Variants in RNF217 observed in about 807,000 individuals in gnomAD.
RNF217 encodes E3 ubiquitin-protein ligase RNF217.
A neutral mutation model predicts 57.8 loss-of-function variants in RNF217; 31 were observed. The observed-to-expected ratio is 0.54, with a 90% CI of 0.40 to 0.72. RNF217 has a LOEUF of 0.72. Among genes scored for constraint, RNF217 ranks in the 30% least tolerant of loss-of-function variants. RNF217 has a pLI of 0.00. For synonymous variants in RNF217, 313 were observed against 294.0 expected, an observed-to-expected ratio of 1.06 and a Z score of -0.66; for missense variants, 696 against 708.3, an observed-to-expected ratio of 0.98 and a Z score of 0.20.
intron 2 of RNF217, among the ~76,000 whole-genome samples, chr6:125,048,545 TCATTG>T (rs1787183887): frequency 6.6e-6 from 1 of 152,192 alleles, no homozygotes; most frequent in East Asian, 1.9e-4. Context: ...TTATTCTGAG[TCATTG>T]ATTCACAGTA....
At chr6:125,015,628 A>G (rs1562468999) in intron 1 of RNF217, among the ~76,000 whole-genome samples, 1 of 151,942 alleles carries the variant, frequency 6.6e-6, no homozygotes, top group Non-Finnish European at 1.5e-5. Flanking sequence ...ATATATATAC[A>G]TTATAATTGT....
chr6:124,963,976 T>C (rs1301895006), intron 1 of RNF217, among the ~76,000 whole-genome samples: 1 of 152,228 alleles, frequency 6.6e-6, no homozygotes, highest in Non-Finnish European at 1.5e-5. Context: ...GAAGTACTTT[T>C]CTTTCACTGA....
chr6:125,042,158 G>A (rs555020655), intron 1 of RNF217, among the ~76,000 whole-genome samples: 6 of 152,226 alleles, frequency 3.9e-5, no homozygotes, highest in African/African-American at 1.4e-4. Flanking sequence ...CATAGGTGAT[G>A]AGTAACACTA....
At chr6:125,007,389 G>T (rs938108503) in intron 1 of RNF217, among the ~76,000 whole-genome samples, 1 of 151,886 alleles carries the variant, frequency 6.6e-6, no homozygotes, top group Non-Finnish European at 1.5e-5. Context: ...GGGATTATAG[G>T]CATGCGCCAC....
intron 1 of RNF217, among the ~76,000 whole-genome samples, chr6:125,028,966 A>G (rs1434205646): frequency 6.6e-6 from 1 of 152,168 alleles, no homozygotes; most frequent in African/African-American, 2.4e-5. Context: ...CATGTGAGAA[A>G]ATATTTACCT....
chr6:125,050,069 T>A (rs553189126), intron 2 of RNF217, among the ~76,000 whole-genome samples: 16 of 152,034 alleles, frequency 1.1e-4, no homozygotes, highest in African/African-American at 2.9e-4. Flanking sequence ...GTGATAGCAG[T>A]TCTTTATGGA....
intron 3 of RNF217, among the ~76,000 whole-genome samples, chr6:125,068,049 G>A (rs929126335): frequency 3.3e-5 from 5 of 152,126 alleles, no homozygotes; most frequent in African/African-American, 4.8e-5. Context: ...GCAGATGGGG[G>A]TCATGGATAA....
chr6:124,967,907 T>A (rs1282812528), intron 1 of RNF217, among the ~76,000 whole-genome samples: 1 of 152,080 alleles, frequency 6.6e-6, no homozygotes, highest in Non-Finnish European at 1.5e-5. Context: ...GCCTCCTGAG[T>A]AGCTGGGATT....
chr6:125,055,147 G>T (rs949744426), intron 2 of RNF217, among the ~76,000 whole-genome samples: 1 of 152,282 alleles, frequency 6.6e-6, no homozygotes, highest in East Asian at 1.9e-4. Flanking sequence ...TACCAAAGTT[G>T]TTGGAGTTGG....
intron 1 of RNF217, among the ~76,000 whole-genome samples, chr6:124,969,769 AT>A (rs1208364272): frequency 6.6e-6 from 1 of 152,198 alleles, no homozygotes; most frequent in East Asian, 1.9e-4. Context: ...AGATAAGTAA[AT>A]TATTTAGCTT....
intron 3 of RNF217, among the ~76,000 whole-genome samples, chr6:125,067,970 A>G (rs909744646): frequency 2.6e-5 from 4 of 152,196 alleles, no homozygotes; most frequent in African/African-American, 7.2e-5. Context: ...GTAAGGAGGT[A>G]CTGAGCGACT....
chr6:125,015,668 A>G (rs936366750), intron 1 of RNF217, among the ~76,000 whole-genome samples: 5 of 151,976 alleles, frequency 3.3e-5, no homozygotes, highest in Non-Finnish European at 7.4e-5. Context: ...CATCCAGTAT[A>G]TTTTCTCTAT....
intron 3 of RNF217, among the ~76,000 whole-genome samples, chr6:125,068,892 G>A (rs1788035217): frequency 6.6e-6 from 1 of 152,044 alleles, no homozygotes; most frequent in Non-Finnish European, 1.5e-5. Context: ...AGGGCCAGGT[G>A]GAATGAAAGG....
chr6:125,054,769 G>A lies in RNF217; in HGVS notation c.1117-3173G>A, dbSNP rs978835839. Among the ~76,000 whole-genome samples, 21 of 152,058 alleles carry A rather than the reference G, an allele frequency of 1.4e-4. 1 individual carries two copies. The highest frequency in any genetic ancestry group is 2.1e-4 in the South Asian group (1 of 4,828). On this transcript the variant is annotated intron_variant, in intron 2 of 5. Coordinates refer to ENST00000521654, the MANE Select transcript of RNF217 (RefSeq NM_001286398.3). The stretch of plus-strand genomic sequence containing the variant: ...TTTAGGATGCATACAAATCACCTTC[G>A]GACCTTGTGAAAATGTGCACTTTTG...
intron 3 of RNF217, among the ~76,000 whole-genome samples, chr6:125,071,484 ATGTGTGTG>A (rs61496685): frequency 0.14 from 19,693 of 136,504 alleles, 1,481 homozygotes; most frequent in African/African-American, 0.2. Flanking sequence ...CTGCCTACAT[ATGTGTGTG>A]TGTGTGTGTG....
intron 1 of RNF217, among the ~76,000 whole-genome samples, chr6:125,017,254 T>C (rs908186295): frequency 6.6e-6 from 1 of 152,250 alleles, no homozygotes; most frequent in Non-Finnish European, 1.5e-5. Flanking sequence ...AATGAGTTAC[T>C]ATATTTTTCT....
At chr6:124,997,638 G>A (rs529577398) in intron 1 of RNF217, among the ~76,000 whole-genome samples, 1 of 152,258 alleles carries the variant, frequency 6.6e-6, no homozygotes, top group East Asian at 1.9e-4. Flanking sequence ...GACGCATTGA[G>A]CACATTCATA....
At position 125,005,918 on chromosome 6, in the gene RNF217, C is replaced by G. The variant is rs115262945; in HGVS notation, c.883-39293C>G. ...CACTCTAAGAATAGTATTTAAAATT[C>G]AGATAAAAATCATTTATACTGTGCC... On this transcript the variant is annotated intron_variant, in intron 1 of 5. Transcript: ENST00000521654. Among the ~76,000 whole-genome samples, 7 of 152,106 alleles carry G rather than the reference C, an allele frequency of 4.6e-5. 1 individual carries two copies.
chr6:124,989,187 A>C (rs897521497), intron 1 of RNF217, among the ~76,000 whole-genome samples: 5 of 151,996 alleles, frequency 3.3e-5, no homozygotes, highest in African/African-American at 1.2e-4. Context: ...CCGTCACTTT[A>C]CTTTTAGTTG....
Sources: allele counts gnomAD v4.1 joint callset (sites outside exome capture counted in the v4.1 genomes callset), GRCh38; gene constraint gnomAD v4.1.1; transcripts MANE v1.5; gene names NCBI Gene and HGNC (gene_info 2026-07-23, HGNC 2026-07-21).